The following CADM1 variants were observed in gnomAD, a reference collection of about 807,000 sequenced individuals.
The protein encoded by CADM1 is TSLC-1.
Under a neutral mutation model 53.1 loss-of-function variants are expected in CADM1, and 15 were observed. That is an observed-to-expected ratio of 0.28 (90% confidence interval 0.19 to 0.44). The LOEUF (loss-of-function observed/expected upper bound fraction) is 0.44. Ranked by LOEUF, CADM1 falls within the 20% of genes least tolerant of loss-of-function variation. The pLI is 1.00. For missense variants in CADM1, 434 were observed against 611.3 expected, an observed-to-expected ratio of 0.71 and a Z score of 3.06; for synonymous variants, 281 against 243.0, an observed-to-expected ratio of 1.16 and a Z score of -1.45.
intron 1 of CADM1, among the ~76,000 whole-genome samples, chr11:115,495,815 T>G (rs373319688): frequency 6.6e-6 from 1 of 152,186 alleles, no homozygotes; most frequent in Non-Finnish European, 1.5e-5. Flanking sequence ...TTTATTATTT[T>G]CTGGTAACTA....
intron 1 of CADM1, among the ~76,000 whole-genome samples, chr11:115,247,954 G>C (rs540541950): frequency 5.3e-5 from 8 of 152,176 alleles, no homozygotes; most frequent in Non-Finnish European, 1.2e-4. Flanking sequence ...TTATTGGAAA[G>C]AATTATGTAA....
chr11:115,377,725 A>G (rs1174263403), intron 1 of CADM1: 1 of 152,204 alleles, frequency 6.6e-6, no homozygotes, highest in East Asian at 1.9e-4. Context: ...AATCTAGAAA[A>G]TACTTTATAG....
intron 9 of CADM1, among the ~76,000 whole-genome samples, chr11:115,192,822 T>C (rs1939946639): frequency 6.6e-6 from 1 of 152,242 alleles, no homozygotes; most frequent in Admixed American, 6.5e-5. Flanking sequence ...CAACAGACAG[T>C]TGATATACAC....
chr11:115,236,442 T>C (rs563911339), intron 3 of CADM1, among the ~76,000 whole-genome samples: 2 of 152,348 alleles, frequency 1.3e-5, no homozygotes, highest in Admixed American at 6.5e-5. Flanking sequence ...GAATATCTAC[T>C]ACTTTTTATA....
At chr11:115,180,250 G>C (rs1185936649) in intron 10 of CADM1, among the ~76,000 whole-genome samples, 2 of 152,198 alleles carry the variant, frequency 1.3e-5, no homozygotes, top group African/African-American at 4.8e-5. Flanking sequence ...TCCATGAAAA[G>C]TGCTTTAATT....
chr11:115,203,055 G>C (rs531573954), intron 8 of CADM1, among the ~76,000 whole-genome samples: 2 of 152,224 alleles, frequency 1.3e-5, no homozygotes, highest in East Asian at 3.9e-4. Context: ...GCCAAAATAG[G>C]AGAGACAGGA....
At chr11:115,480,935 G>A (rs991426615) in intron 1 of CADM1, among the ~76,000 whole-genome samples, 3 of 151,702 alleles carry the variant, frequency 2.0e-5, no homozygotes, top group Admixed American at 2.0e-4. Context: ...CTCAGCAAAT[G>A]CCTCCTCCTG....
chr11:115,499,255 G>C (rs1949683761), intron 1 of CADM1, among the ~76,000 whole-genome samples: 1 of 152,062 alleles, frequency 6.6e-6, no homozygotes, highest in Non-Finnish European at 1.5e-5. Context: ...ATTAATCCTT[G>C]AAAAGACAAA....
intron 5 of CADM1, among the ~76,000 whole-genome samples, chr11:115,221,233 T>TA (rs1280227302): frequency 5.9e-5 from 9 of 152,334 alleles, no homozygotes; most frequent in Admixed American, 4.6e-4. Context: ...TCTGTACACT[T>TA]AAAGAACATT....
chr11:115,324,275 T>C (rs978613282), intron 1 of CADM1, among the ~76,000 whole-genome samples: 2 of 152,206 alleles, frequency 1.3e-5, no homozygotes, highest in African/African-American at 4.8e-5. Flanking sequence ...GCATCATGCA[T>C]CTTGAACTTT....
At chr11:115,488,423 T>C (rs1203382831) in intron 1 of CADM1, among the ~76,000 whole-genome samples, 1 of 152,182 alleles carries the variant, frequency 6.6e-6, no homozygotes, top group African/African-American at 2.4e-5. Flanking sequence ...TGAGTAGGCA[T>C]CACTTATGAC....
intron 5 of CADM1, among the ~76,000 whole-genome samples, chr11:115,227,470 C>T (rs1941653543): frequency 6.6e-6 from 1 of 152,108 alleles, no homozygotes; most frequent in Non-Finnish European, 1.5e-5. Flanking sequence ...AATATCTACT[C>T]AGGACGTACA....
chr11:115,231,753 G>A (rs562201282), intron 3 of CADM1, among the ~76,000 whole-genome samples: 3 of 152,210 alleles, frequency 2.0e-5, no homozygotes, highest in African/African-American at 7.2e-5. Flanking sequence ...TTGGGAGGCC[G>A]AGGCGGGCAG....
intron 1 of CADM1, among the ~76,000 whole-genome samples, chr11:115,397,955 G>C (rs1049345438): frequency 4.6e-5 from 7 of 152,068 alleles, no homozygotes; most frequent in Admixed American, 1.3e-4. Context: ...TGGGCACATC[G>C]CCATACTTTT....
intron 1 of CADM1, among the ~76,000 whole-genome samples, chr11:115,244,511 T>A (rs1246554824): frequency 6.6e-5 from 10 of 152,206 alleles, no homozygotes; most frequent in African/African-American, 2.4e-4. Flanking sequence ...CTTTACATAC[T>A]TTTCTCTCTC....
chr11:115,457,653 C>G (rs1317051527), intron 1 of CADM1, among the ~76,000 whole-genome samples: 1 of 152,088 alleles, frequency 6.6e-6, no homozygotes, highest in African/African-American at 2.4e-5. Flanking sequence ...ATCTAAATGT[C>G]TAGGCTGCCA....
At position 115,367,744 on chromosome 11, in the gene CADM1, C is replaced by A. The variant is rs140614446; in HGVS notation, c.125-127324G>T. ...GTAGTTTAATAAATTTTAATCAATT[C>A]TCTGGAAATGCTTAGAATTTCTTAG... is the stretch of plus-strand genomic sequence containing the variant. On this transcript the variant is annotated intron_variant, in intron 1 of 11. Transcript: ENST00000331581. 2.7e-3 allele frequency among the ~76,000 whole-genome samples: 416 copies of A among 151,632 alleles called. 1 individual carries two copies. Among genetic ancestry groups the A allele is most frequent in the African/African-American group, 8.5e-3 (351 of 41,356 alleles).
chr11:115,197,396 T>G (rs536906429), intron 9 of CADM1, among the ~76,000 whole-genome samples: 1 of 152,326 alleles, frequency 6.6e-6, no homozygotes, highest in African/African-American at 2.4e-5. Context: ...AAGTAGGCCC[T>G]TTACCAAATA....
chr11:115,306,793 T>C (rs1196954406), intron 1 of CADM1, among the ~76,000 whole-genome samples: 1 of 152,006 alleles, frequency 6.6e-6, no homozygotes, highest in African/African-American at 2.4e-5. Flanking sequence ...GACTTCACTA[T>C]CCAGTAATGA....
Sources: gnomAD v4.1 joint callset for allele counts (sites outside exome capture counted in the v4.1 genomes callset) on GRCh38, gnomAD v4.1.1 for gene constraint, MANE v1.5 for transcripts, NCBI Gene and HGNC (gene_info 2026-07-23, HGNC 2026-07-21) for gene names.